Variants in CCSER1 observed in about 807,000 individuals in gnomAD.
CCSER1 encodes serine-rich coiled-coil domain-containing protein 1.
CCSER1 carries 41 observed loss-of-function variants against 82.0 expected under a neutral mutation model. The ratio of observed to expected loss-of-function variants is 0.50; its 90% CI spans 0.39 to 0.65. The LOEUF (loss-of-function observed/expected upper bound fraction) is 0.65, where lower values mean the gene tolerates loss of function less well. CCSER1 is among the 30% of genes least tolerant of loss of function. The pLI, the probability that CCSER1 is intolerant of heterozygous loss-of-function variation, is 0.00. For synonymous variants in CCSER1, 414 were observed against 383.9 expected (o/e 1.08, Z -0.92); for missense variants, 1,119 against 1,064.2 (o/e 1.05, Z -0.72).
chr4:90,562,395 G>A (rs188955464), intron 5 of CCSER1, among the ~76,000 whole-genome samples: 403 of 152,114 alleles, frequency 2.6e-3, no homozygotes, highest in African/African-American at 9.3e-3. Context: ...TATTCCATAT[G>A]TAGAGCAGAT....
intron 10 of CCSER1, among the ~76,000 whole-genome samples, chr4:91,578,943 T>C (rs1763592506): frequency 6.6e-6 from 1 of 151,802 alleles, no homozygotes; most frequent in South Asian, 2.1e-4. Context: ...TCTGCTTGAT[T>C]TGAATAATAC....
intron 8 of CCSER1, among the ~76,000 whole-genome samples, chr4:90,821,991 T>G (rs1759789516): frequency 6.6e-6 from 1 of 152,170 alleles, no homozygotes; most frequent in African/African-American, 2.4e-5. Flanking sequence ...TTCAAAAATC[T>G]TATACATGGT....
chr4:90,229,413 C>G (rs1271654042), intron 1 of CCSER1, among the ~76,000 whole-genome samples: 2 of 152,020 alleles, frequency 1.3e-5, no homozygotes, highest in African/African-American at 2.4e-5. Context: ...TACAGACAAG[C>G]AAATGCTGAG....
In CCSER1 at chr4:90,934,768, CTAA is replaced by C. The variant is rs534028063; in HGVS notation, c.2172+11327_2172+11329del. On this transcript the variant is annotated intron_variant, in intron 9 of 10. Coordinates refer to ENST00000509176, the MANE Select transcript of CCSER1 (RefSeq NM_001145065.2). ...CCAACGTGGAGAAACCCTGTCTCTA[CTAA>C]TAATACAAAATTAGCTGGACATGGT... 1.7e-4 allele frequency among the ~76,000 whole-genome samples: 26 copies of C among 152,062 alleles called. No individual in the cohort carries two copies. The East Asian group carries it at 4.7e-3, about 27-fold the overall frequency.
intron 10 of CCSER1, among the ~76,000 whole-genome samples, chr4:91,163,529 G>C (rs1320864337): frequency 6.6e-6 from 1 of 152,072 alleles, no homozygotes; most frequent in Non-Finnish European, 1.5e-5. Flanking sequence ...GTGACAGTGG[G>C]GTGTTAAAGT....
At chr4:90,711,080 C>A (rs1053811426) in intron 6 of CCSER1, among the ~76,000 whole-genome samples, 21 of 151,918 alleles carry the variant, frequency 1.4e-4, no homozygotes, top group African/African-American at 3.9e-4. Context: ...GAATTTTATT[C>A]TTTTTGTAGC....
At chr4:90,481,477 T>C (rs905632700) in intron 5 of CCSER1, among the ~76,000 whole-genome samples, 13 of 152,348 alleles carry the variant, frequency 8.5e-5, no homozygotes, top group Middle Eastern at 6.8e-3. Context: ...TTCCAGTTTT[T>C]GTCCATTCAG....
intron 5 of CCSER1, among the ~76,000 whole-genome samples, chr4:90,510,040 G>A: frequency 6.6e-6 from 1 of 152,158 alleles, no homozygotes; most frequent in Non-Finnish European, 1.5e-5. Flanking sequence ...TAATCTCACA[G>A]TGTGCTAGAA....
chr4:90,823,211 C>T (rs1286377991), intron 8 of CCSER1, among the ~76,000 whole-genome samples: 1 of 151,826 alleles, frequency 6.6e-6, no homozygotes, highest in Non-Finnish European at 1.5e-5. Flanking sequence ...AAGTTTTAAA[C>T]TTCACACACA....
intron 1 of CCSER1, among the ~76,000 whole-genome samples, chr4:90,197,565 G>A (rs1386649996): frequency 1.3e-5 from 2 of 152,166 alleles, no homozygotes; most frequent in Non-Finnish European, 2.9e-5. Flanking sequence ...TAAAGGAAAT[G>A]TGGTACATAT....
chr4:90,759,115 C>G (rs1199526280), intron 7 of CCSER1, among the ~76,000 whole-genome samples: 1 of 152,132 alleles, frequency 6.6e-6, no homozygotes, highest in East Asian at 1.9e-4. Flanking sequence ...ATTAAATTCT[C>G]TTAGCCGTAT....
intron 1 of CCSER1, among the ~76,000 whole-genome samples, chr4:90,174,712 T>C (rs1474959664): frequency 1.3e-5 from 2 of 151,986 alleles, no homozygotes; most frequent in Admixed American, 1.3e-4. Context: ...AGCACATGTA[T>C]GTGAGGAAAC....
chr4:91,483,033 T>C (rs998675332), intron 10 of CCSER1, among the ~76,000 whole-genome samples: 1 of 151,710 alleles, frequency 6.6e-6, no homozygotes, highest in Non-Finnish European at 1.5e-5. Context: ...ACATGGCACA[T>C]GTATACATAT....
intron 6 of CCSER1, among the ~76,000 whole-genome samples, chr4:90,658,937 T>C (rs1730224711): frequency 6.6e-6 from 1 of 152,136 alleles, no homozygotes; most frequent in South Asian, 2.1e-4. Context: ...ATTAAAGAGA[T>C]CTCAGTGTAT....
chr4:90,469,558 C>CACACAG (rs1553919666), intron 5 of CCSER1, among the ~76,000 whole-genome samples: 17 of 151,660 alleles, frequency 1.1e-4, no homozygotes, highest in African/African-American at 3.9e-4. Context: ...CACACACACA[C>CACACAG]ACACACACAT....
chr4:91,080,070 A>G, intron 9 of CCSER1, among the ~76,000 whole-genome samples: 1 of 152,192 alleles, frequency 6.6e-6, no homozygotes, highest in Non-Finnish European at 1.5e-5. Flanking sequence ...AGCAGACCTC[A>G]TAGACATCTA....
intron 10 of CCSER1, among the ~76,000 whole-genome samples, chr4:91,131,849 G>A (rs906341409): frequency 1.3e-5 from 2 of 151,950 alleles, no homozygotes; most frequent in African/African-American, 4.8e-5. Flanking sequence ...TGAAAGGCAC[G>A]TGACACGGAG....
intron 6 of CCSER1, among the ~76,000 whole-genome samples, chr4:90,708,705 T>C (rs1739907156): frequency 6.6e-6 from 1 of 152,196 alleles, no homozygotes; most frequent in Non-Finnish European, 1.5e-5. Flanking sequence ...TTACATTTTC[T>C]TCAAGTGGTT....
intron 7 of CCSER1, chr4:90,780,981 C>T (rs145044063): frequency 6.4e-4 from 142 of 222,798 alleles, no homozygotes; most frequent in African/African-American, 2.2e-3. Flanking sequence ...AGCTTCCAAT[C>T]GTGGCGGAAG....
Sources: allele counts gnomAD v4.1 joint callset (sites outside exome capture counted in the v4.1 genomes callset), GRCh38; gene constraint gnomAD v4.1.1; transcripts MANE v1.5; gene names NCBI Gene and HGNC (gene_info 2026-07-23, HGNC 2026-07-21).